Variants in DISP1 observed in about 807,000 individuals in gnomAD.
DISP1 encodes dispatched RND transporter family member 1.
In DISP1, 30 loss-of-function variants were observed where a neutral mutation model predicts 37.3. The observed-to-expected ratio is 0.80, with a 90% confidence interval of 0.60 to 1.09. The LOEUF (loss-of-function observed/expected upper bound fraction) is 1.09, where lower values mean the gene tolerates loss of function less well. Ranked by LOEUF, DISP1 falls within the 50% of genes least tolerant of loss-of-function variation. The pLI, the probability that DISP1 is intolerant of heterozygous loss-of-function variation, is 0.00. For missense variants in DISP1, 1,598 were observed against 1,879.5 expected, an observed-to-expected ratio of 0.85 and a Z score of 2.77; for synonymous variants, 634 against 690.2, an observed-to-expected ratio of 0.92 and a Z score of 1.28.
chr1:222,831,854 C>T (rs1475605033), intron 1 of DISP1, among the ~76,000 whole-genome samples: 2 of 152,046 alleles, frequency 1.3e-5, no homozygotes, highest in East Asian at 3.9e-4. Flanking sequence ...ACATATAGGA[C>T]CTTGAGTACC....
chr1:222,854,793 G>A (rs1163831755), intron 1 of DISP1, among the ~76,000 whole-genome samples: 6 of 151,322 alleles, frequency 4.0e-5, no homozygotes, highest in African/African-American at 1.5e-4. Flanking sequence ...CCCAGAATAC[G>A]GTGCTTTGAA....
chr1:222,938,356 T>C (rs1674124871), intron 2 of DISP1, among the ~76,000 whole-genome samples: 1 of 148,626 alleles, frequency 6.7e-6, no homozygotes, highest in African/African-American at 2.5e-5. Flanking sequence ...ATTATACTTA[T>C]ACTTCCTCTA....
chr1:222,819,244 C>G (rs1223372721), intron 1 of DISP1, among the ~76,000 whole-genome samples: 1 of 152,198 alleles, frequency 6.6e-6, no homozygotes, highest in South Asian at 2.1e-4. Flanking sequence ...GCTTCCCCAG[C>G]TATGCTTCCT....
chr1:222,969,794 T>A (rs1015100131), intron 3 of DISP1, among the ~76,000 whole-genome samples: 24 of 152,130 alleles, frequency 1.6e-4, no homozygotes, highest in Non-Finnish European at 3.4e-4. Context: ...GTTTTATCTG[T>A]GTAGTAAGAA....
At chr1:222,989,082 A>T (rs963832597) in intron 4 of DISP1, among the ~76,000 whole-genome samples, 3 of 151,838 alleles carry the variant, frequency 2.0e-5, no homozygotes, top group Non-Finnish European at 4.4e-5. Flanking sequence ...ACAAAGCCAG[A>T]TCAATAAAGT....
At chr1:222,826,967 A>G (rs1184593675) in intron 1 of DISP1, among the ~76,000 whole-genome samples, 1 of 152,126 alleles carries the variant, frequency 6.6e-6, no homozygotes, top group Non-Finnish European at 1.5e-5. Flanking sequence ...GTTATTTTCT[A>G]TTAGAGTATG....
chr1:222,863,364 A>G (rs895423121), intron 1 of DISP1, among the ~76,000 whole-genome samples: 9 of 152,050 alleles, frequency 5.9e-5, no homozygotes, highest in Admixed American at 4.6e-4. Context: ...TACAAAAAAG[A>G]CAAAAATTAG....
chr1:222,847,203 A>G (rs1334592619), intron 1 of DISP1, among the ~76,000 whole-genome samples: 1 of 152,190 alleles, frequency 6.6e-6, no homozygotes, highest in Admixed American at 6.5e-5. Flanking sequence ...TAAGCTAACT[A>G]TTGTGTCCTT....
intron 1 of DISP1, among the ~76,000 whole-genome samples, chr1:222,865,554 T>G (rs994369769): frequency 6.6e-6 from 1 of 152,210 alleles, no homozygotes; most frequent in Non-Finnish European, 1.5e-5. Flanking sequence ...ACAAATAGTC[T>G]TCTTTTCCTA....
rs1169269704 is a variant in DISP1 at position 223,002,820 on chromosome 1, T to A, written c.1423T>A (p.Trp475Arg). 1 of 1,614,072 alleles carries A rather than the reference T, an allele frequency of 6.2e-7. No homozygotes were observed. Among genetic ancestry groups the A allele is most frequent in the African/African-American group, 1.3e-5 (1 of 75,036 alleles). ...CATTTACTTGGACAACTTTGAAAACTGGAACTCTTCTGACGGCGTGACTAC... is the reference window on the plus strand; with the variant it reads ...CATTTACTTGGACAACTTTGAAAACAGGAACTCTTCTGACGGCGTGACTAC... Reference protein sequence around the residue: ...MNIYLDNFENWNSSDGVTTIT... With the variant: ...MNIYLDNFENRNSSDGVTTIT... The change falls in exon 9 of 9, where the codon TGG (tryptophan) becomes AGG (arginine). Residue 475 changes from tryptophan (W) to arginine (R), a missense_variant. Coordinates refer to ENST00000675850, the MANE Select transcript of DISP1 (RefSeq NM_001377229.1).
rs769422591 is a variant in DISP1, at chr1:222,994,880, AC to A, written c.890-3del. 14 of 1,596,556 alleles carry A rather than the reference AC, an allele frequency of 8.8e-6. No homozygotes were observed. The highest frequency in any genetic ancestry group is 1.1e-5 in the Non-Finnish European group (13 of 1,165,342). On this transcript the variant is annotated splice_region_variant and splice_polypyrimidine_tract_variant and intron_variant, in intron 7 of 8. Coordinates refer to ENST00000675850, the MANE Select transcript of DISP1 (RefSeq NM_001377229.1). ...TTTCTTTCCTTTTTTTTTTCATATC[AC>A]CAGGTGACCGATATTCCAGAGTGGT...
chr1:222,820,640 A>AT (rs1398770287), intron 1 of DISP1, among the ~76,000 whole-genome samples: 1 of 152,174 alleles, frequency 6.6e-6, no homozygotes, highest in Non-Finnish European at 1.5e-5. Flanking sequence ...AATAATAATA[A>AT]TTGTCATTTG....
intron 1 of DISP1, among the ~76,000 whole-genome samples, chr1:222,912,061 G>A (rs769088718): frequency 1.3e-4 from 20 of 152,176 alleles, no homozygotes; most frequent in Non-Finnish European, 2.2e-4. Flanking sequence ...ACCATGGGCC[G>A]GAGGAATCTG....
At chr1:222,878,517 A>G (rs1486563449) in intron 1 of DISP1, among the ~76,000 whole-genome samples, 1 of 152,142 alleles carries the variant, frequency 6.6e-6, no homozygotes, top group African/African-American at 2.4e-5. Flanking sequence ...TTAAGATGTT[A>G]ATGTTTTAAG....
intron 5 of DISP1, 63 bp downstream of exon 5, chr1:222,990,811 A>G: frequency 4.4e-6 from 7 of 1,591,694 alleles, no homozygotes; most frequent in Non-Finnish European, 5.2e-6. Context: ...ATTTTAATAC[A>G]TGTTGCATTA....
chr1:222,834,025 A>C (rs531130224), intron 1 of DISP1, among the ~76,000 whole-genome samples: 43 of 152,332 alleles, frequency 2.8e-4, no homozygotes, highest in Non-Finnish European at 4.9e-4. Context: ...GTGTGTCTTA[A>C]GTATCATTTG....
intron 4 of DISP1, among the ~76,000 whole-genome samples, chr1:222,984,403 CAAA>C (rs143486728): frequency 0.024 from 701 of 29,738 alleles, 17 homozygotes; most frequent in South Asian, 0.028. Context: ...GACTCTGTCT[CAAA>C]AAAAAAAAAA....
intron 1 of DISP1, among the ~76,000 whole-genome samples, chr1:222,859,009 C>T (rs1668719769): frequency 6.6e-6 from 1 of 152,196 alleles, no homozygotes; most frequent in African/African-American, 2.4e-5. Flanking sequence ...ATAAATCATT[C>T]TATTACAAAG....
chr1:222,835,793 A>G (rs528097390), intron 1 of DISP1, among the ~76,000 whole-genome samples: 8 of 151,922 alleles, frequency 5.3e-5, no homozygotes, highest in African/African-American at 1.7e-4. Flanking sequence ...CTCTACTAAA[A>G]ATACAAAAAT....
Sources: gnomAD v4.1 joint callset for allele counts (sites outside exome capture counted in the v4.1 genomes callset) on GRCh38, gnomAD v4.1.1 for gene constraint, MANE v1.5 for transcripts, NCBI Gene and HGNC (gene_info 2026-07-23, HGNC 2026-07-21) for gene names.